The following KHDRBS2 variants were observed in gnomAD, a reference collection of about 807,000 sequenced individuals.
KHDRBS2 encodes the protein KH RNA binding domain containing, signal transduction associated 2, also known as KH domain-containing, RNA-binding, signal transduction-associated protein 2.
KHDRBS2 carries 26 observed loss-of-function variants against 44.3 expected under a neutral mutation model. The observed-to-expected ratio is 0.59, with a 90% CI of 0.43 to 0.81. KHDRBS2 has a LOEUF of 0.81. KHDRBS2 is among the 40% of genes least tolerant of loss of function. The pLI is 0.00. For missense variants in KHDRBS2, 476 were observed against 433.1 expected (o/e 1.10, Z -0.88); for synonymous variants, 194 against 151.1 (o/e 1.28, Z -2.08).
chr6:62,187,038 A>G (rs1189628728), intron 1 of KHDRBS2, among the ~76,000 whole-genome samples: 2 of 152,136 alleles, frequency 1.3e-5, no homozygotes, highest in African/African-American at 4.8e-5. Flanking sequence ...TAAGAAAAGT[A>G]GCAGATCTTA....
At chr6:62,148,855 C>T (rs73758684) in intron 2 of KHDRBS2, among the ~76,000 whole-genome samples, 1,580 of 152,068 alleles carry the variant, frequency 0.01, 32 homozygotes, top group African/African-American at 0.035. Flanking sequence ...TTTTATCTTA[C>T]GTAAAAATTC....
intron 2 of KHDRBS2, among the ~76,000 whole-genome samples, chr6:62,110,350 T>C (rs560641630): frequency 3.3e-5 from 5 of 152,166 alleles, no homozygotes; most frequent in Non-Finnish European, 7.4e-5. Flanking sequence ...AAGAAATATC[T>C]GTACCCATAC....
At chr6:61,611,364 G>T in the KHDRBS2 span, among the ~76,000 whole-genome samples, 1 of 152,176 alleles carries the variant, frequency 6.6e-6, no homozygotes, top group African/African-American at 2.4e-5. Context: ...TATAGAAAGA[G>T]ACACATATGG....
At chr6:61,771,782 A>G (rs1780954732) in intron 6 of KHDRBS2, among the ~76,000 whole-genome samples, 1 of 152,210 alleles carries the variant, frequency 6.6e-6, no homozygotes, top group Non-Finnish European at 1.5e-5. Context: ...GATCAACGGA[A>G]CAGAAAGTTA....
At chr6:62,020,275 G>A (rs556862828) in intron 3 of KHDRBS2, among the ~76,000 whole-genome samples, 229 of 151,920 alleles carry the variant, frequency 1.5e-3, no homozygotes, top group African/African-American at 5.4e-3. Context: ...ATATTTATTT[G>A]CTTATTGATT....
At chr6:62,205,245 A>T (rs2150141105) in intron 1 of KHDRBS2, among the ~76,000 whole-genome samples, 2 of 152,174 alleles carry the variant, frequency 1.3e-5, no homozygotes, top group Middle Eastern at 3.4e-3. Flanking sequence ...TTCATTAATG[A>T]CCCAGGAGCT....
chr6:61,718,596 G>T (rs1771831131), intron 7 of KHDRBS2, among the ~76,000 whole-genome samples: 1 of 152,028 alleles, frequency 6.6e-6, no homozygotes, highest in Admixed American at 6.6e-5. Context: ...TCCATCCAGT[G>T]GGAGTAATGG....
chr6:61,924,342 A>G (rs1335028260), intron 4 of KHDRBS2, among the ~76,000 whole-genome samples: 2 of 152,110 alleles, frequency 1.3e-5, no homozygotes, highest in East Asian at 1.9e-4. Context: ...CAAGGGCCAT[A>G]AGAAAATTTT....
At chr6:62,051,831 G>A (rs1239868977) in intron 2 of KHDRBS2, among the ~76,000 whole-genome samples, 1 of 151,830 alleles carries the variant, frequency 6.6e-6, no homozygotes, top group Non-Finnish European at 1.5e-5. Context: ...GATCTAAATA[G>A]ACACTTATAA....
Position 61,969,481 on chromosome 6 carries a change from C to G in KHDRBS2, c.483+8585G>C, listed in dbSNP as rs192597008. Reference sequence around the variant, plus strand: ...GGACTAGTTTTAACTGAAATCTTATCCTAACTATAACTTGTCTATGTATGG... The same window carrying G: ...GGACTAGTTTTAACTGAAATCTTATGCTAACTATAACTTGTCTATGTATGG... On this transcript the variant is annotated intron_variant, in intron 4 of 8. Coordinates refer to ENST00000281156, the MANE Select transcript of KHDRBS2 (RefSeq NM_152688.4). 1.1e-4 allele frequency among the ~76,000 whole-genome samples: 16 copies of G among 152,110 alleles called. 1 individual carries two copies. Among genetic ancestry groups the G allele is most frequent in the Non-Finnish European group, 1.5e-5 (1 of 67,920 alleles).
chr6:61,658,908 C>T, the KHDRBS2 span, among the ~76,000 whole-genome samples: 3,734 of 151,906 alleles, frequency 0.025, 70 homozygotes, highest in Middle Eastern at 0.082. Context: ...TTTGAAAATA[C>T]GACAAGGAAT....
In KHDRBS2 at chr6:61,773,228, A is replaced by G. The variant is rs939215094; in HGVS notation, c.811-40464T>C. On this transcript the variant is annotated intron_variant, in intron 6 of 8. Coordinates refer to ENST00000281156, the MANE Select transcript of KHDRBS2 (RefSeq NM_152688.4). ...GAGGAATCGCCACACTGACTTCCAC[A>G]ATGGTTGAAGTAGTTTACAGTCCCA... is the stretch of plus-strand genomic sequence containing the variant. Among the ~76,000 whole-genome samples the G allele has an allele frequency of 7.9e-5, 12 of 152,202 alleles. No homozygotes were observed. In the South Asian group the frequency reaches 8.3e-4, roughly 11 times the overall value.
At chr6:62,061,547 T>C (rs1358232390) in intron 2 of KHDRBS2, among the ~76,000 whole-genome samples, 1 of 149,328 alleles carries the variant, frequency 6.7e-6, no homozygotes, top group African/African-American at 2.5e-5. Flanking sequence ...AGATCCGCTG[T>C]TAGTCTGATG....
chr6:61,905,902 C>G (rs1268883214), intron 4 of KHDRBS2, among the ~76,000 whole-genome samples: 1 of 133,898 alleles, frequency 7.5e-6, no homozygotes, highest in South Asian at 2.4e-4. Flanking sequence ...ATCGCTCAGG[C>G]TGGAGTGCAG....
chr6:61,796,651 A>G (rs185350822), intron 6 of KHDRBS2, among the ~76,000 whole-genome samples: 29 of 152,120 alleles, frequency 1.9e-4, no homozygotes, highest in Non-Finnish European at 4.0e-4. Context: ...CAAATGCTTA[A>G]AAAATTTGAA....
intron 1 of KHDRBS2, among the ~76,000 whole-genome samples, chr6:62,178,021 A>G (rs1158519856): frequency 6.6e-6 from 1 of 151,494 alleles, no homozygotes; most frequent in Non-Finnish European, 1.5e-5. Context: ...AATACAACAG[A>G]AAACAATAAA....
chr6:61,781,931 C>T (rs1162160331), intron 6 of KHDRBS2, among the ~76,000 whole-genome samples: 3 of 152,098 alleles, frequency 2.0e-5, no homozygotes, highest in Admixed American at 1.3e-4. Flanking sequence ...TATAATGATG[C>T]TTCTATGCCA....
chr6:62,073,992 C>A (rs937987305), intron 2 of KHDRBS2, among the ~76,000 whole-genome samples: 1 of 151,748 alleles, frequency 6.6e-6, no homozygotes, highest in Non-Finnish European at 1.5e-5. Context: ...TCTACGGAAA[C>A]ATATCTGCTC....
intron 1 of KHDRBS2, among the ~76,000 whole-genome samples, chr6:62,206,610 C>G: frequency 6.6e-6 from 1 of 151,850 alleles, no homozygotes; most frequent in East Asian, 1.9e-4. Flanking sequence ...GAAATAAAAA[C>G]TATAATAAGA....
Sources: gnomAD v4.1 joint callset for allele counts (sites outside exome capture counted in the v4.1 genomes callset) on GRCh38, gnomAD v4.1.1 for gene constraint, MANE v1.5 for transcripts, NCBI Gene and HGNC (gene_info 2026-07-23, HGNC 2026-07-21) for gene names.